Variants in SPTB observed in about 807,000 individuals in gnomAD.
SPTB encodes spectrin beta, erythrocytic.
SPTB carries 45 observed loss-of-function variants against 256.2 expected under a neutral mutation model. The observed-to-expected ratio is 0.18, with a 90% CI of 0.14 to 0.23. The LOEUF (loss-of-function observed/expected upper bound fraction) is 0.23, where lower values mean the gene tolerates loss of function less well. Ranked by LOEUF, SPTB falls within the 10% of genes least tolerant of loss-of-function variation. SPTB has a pLI of 1.00. For synonymous variants in SPTB, 1,231 were observed against 1,243.1 expected, an observed-to-expected ratio of 0.99 and a Z score of 0.21; for missense variants, 2,715 against 3,040.4, an observed-to-expected ratio of 0.89 and a Z score of 2.52.
rs1000973840 is a variant in SPTB at position 64,823,736 on chromosome 14, T to G, written c.-51-591A>C. Among the ~76,000 whole-genome samples, 3 of 152,188 alleles carry G rather than the reference T, an allele frequency of 2.0e-5. No individual in the cohort carries two copies. Among genetic ancestry groups the G allele is most frequent in the Admixed American group, 6.5e-5 (1 of 15,286 alleles). On this transcript the variant is annotated intron_variant, in intron 1 of 35. Coordinates refer to ENST00000644917, the MANE Select transcript of SPTB (RefSeq NM_001355436.2). This position sits in a 1 kb window ranked among gnomAD's most constrained non-coding sequence, Gnocchi z 6.5. ...CCTCCCGGAGGCTTTCTGAGAGCCC[T>G]CTGAGTTCCTTCCCAGCAGTTGGTA...
rs1208017448 is a variant in SPTB at position 64,823,255 on chromosome 14, A to G, written c.-51-110T>C. On this transcript the variant is annotated intron_variant, in intron 1 of 35. Transcript: ENST00000644917. The surrounding 1 kb of genome is among the most constrained non-coding windows in gnomAD (Gnocchi z 6.5). ...GTGAGTAGATCCTGACAGAAGCAGA[A>G]CGCCATGTCATCTGCCTGGGCGTGC... 2.2e-5 allele frequency: 18 copies of G among 833,680 alleles called. No homozygotes were observed. Among genetic ancestry groups the G allele is most frequent in the Non-Finnish European group, 3.4e-5 (17 of 507,460 alleles). The allele number at this position is 833,680 out of a possible 1,614,324, so 51.6% of individuals were successfully genotyped here. A position where few individuals can be genotyped will look rare whatever the true frequency, so the allele number is the denominator to read the frequency against.
intron 15 of SPTB, among the ~76,000 whole-genome samples, chr14:64,788,657 T>C (rs999003738): frequency 2.6e-5 from 4 of 152,172 alleles, no homozygotes; most frequent in African/African-American, 9.7e-5. Flanking sequence ...AGAGGCCCCA[T>C]AGTGATTTTC....
intron 33 of SPTB, among the ~76,000 whole-genome samples, chr14:64,750,691 G>A (rs188578268): frequency 2.2e-4 from 33 of 151,862 alleles, no homozygotes; most frequent in Admixed American, 7.2e-4. Context: ...CAGGAGAATC[G>A]CTTGAACCCG....
At chr14:64,855,756 G>C (rs570018677) in intron 1 of SPTB, among the ~76,000 whole-genome samples, 3 of 152,368 alleles carry the variant, frequency 2.0e-5, no homozygotes, top group Admixed American at 2.0e-4. Flanking sequence ...GCTGGGGCCA[G>C]AGTGCCTGAG....
intron 1 of SPTB, among the ~76,000 whole-genome samples, chr14:64,832,671 T>C (rs1309280037): frequency 6.6e-6 from 1 of 152,152 alleles, no homozygotes; most frequent in Non-Finnish European, 1.5e-5. Context: ...TCTATCCTCA[T>C]CCTTTTCCCA....
At chr14:64,755,426 A>G (rs779621953) in intron 32 of SPTB, 1 of 152,252 alleles carries the variant, frequency 6.6e-6, no homozygotes, top group Admixed American at 6.5e-5. Context: ...TCATGTTTGT[A>G]TCTCATCAAA....
At chr14:64,766,694 C>T in intron 32 of SPTB, 32 bp downstream of exon 32, 1 of 1,613,458 alleles carries the variant, frequency 6.2e-7, no homozygotes, top group Admixed American at 1.7e-5. Flanking sequence ...CAGTGACTCC[C>T]AGGAACTAGA....
At position 64,749,860 on chromosome 14, in the gene SPTB, T is replaced by C; in HGVS notation, c.6776+121A>G. 1 of 1,520,068 alleles carries C rather than the reference T, an allele frequency of 6.6e-7. No homozygotes were observed. The highest frequency in any genetic ancestry group is 1.1e-5 in the South Asian group (1 of 87,740). 94.2% of individuals were successfully genotyped at this position (1,520,068 alleles called of 1,614,324 possible). On this transcript the variant is annotated intron_variant, in intron 34 of 35. Transcript: ENST00000644917. The surrounding 1 kb of genome is among the most constrained non-coding windows in gnomAD (Gnocchi z 4.7). ...AGTCTGGACCATCAGCCTCTTTGAT[T>C]TGAAAAACCCCTGAGGAGCAGCTCA...
Position 64,760,940 on chromosome 14 carries a change from C to G in SPTB, c.6345+5786G>C, listed in dbSNP as rs1012668716. Among the ~76,000 whole-genome samples the G allele has an allele frequency of 6.6e-6, 1 of 152,202 alleles. No homozygotes were observed. The highest frequency in any genetic ancestry group is 2.4e-5 in the African/African-American group (1 of 41,438). ...AGAGAGGAGACCTGTATCCTCACTCCAGAGGAAAGCACCTGCCCGATGGGG... is the reference window on the plus strand; with the variant it reads ...AGAGAGGAGACCTGTATCCTCACTCGAGAGGAAAGCACCTGCCCGATGGGG... On this transcript the variant is annotated intron_variant, in intron 32 of 35. Coordinates refer to ENST00000644917, the MANE Select transcript of SPTB (RefSeq NM_001355436.2). The surrounding 1 kb of genome is among the most constrained non-coding windows in gnomAD (Gnocchi z 4.3).
At position 64,749,787 on chromosome 14, in the gene SPTB, G is replaced by A. The variant is rs528733463; in HGVS notation, c.6777-91C>T. On this transcript the variant is annotated intron_variant, in intron 34 of 35. Transcript: ENST00000644917. This position sits in a 1 kb window ranked among gnomAD's most constrained non-coding sequence, Gnocchi z 4.7. ...CTCTGATCCCACAATACCCTGAGCC[G>A]AACATCCAGACCCCTCTCAGGCAGC... is the stretch of plus-strand genomic sequence containing the variant. The A allele has an allele frequency of 7.8e-6, 12 of 1,535,260 alleles. No individual in the cohort carries two copies. Among genetic ancestry groups the A allele is most frequent in the African/African-American group, 6.8e-5 (5 of 73,040 alleles).
chr14:64,764,586 G>C lies in SPTB; in HGVS notation c.6345+2140C>G, dbSNP rs959181635. ...ATTCCCCCCAACCCAGTGACATTCA[G>C]GTGTTGGCTGGAGGCGGCTCTGATG... On this transcript the variant is annotated intron_variant, in intron 32 of 35. Transcript: ENST00000644917. The surrounding 1 kb of genome is among the most constrained non-coding windows in gnomAD (Gnocchi z 4.2). Among the ~76,000 whole-genome samples the C allele has an allele frequency of 6.6e-6, 1 of 152,234 alleles. No homozygotes were observed. Among genetic ancestry groups the C allele is most frequent in the Non-Finnish European group, 1.5e-5 (1 of 68,050 alleles).
At chr14:64,836,344 G>A (rs1401721986) in intron 1 of SPTB, among the ~76,000 whole-genome samples, 1 of 151,988 alleles carries the variant, frequency 6.6e-6, no homozygotes, top group South Asian at 2.1e-4. Context: ...TAATACACTC[G>A]CCACCTAACA....
At position 64,782,396 on chromosome 14, in the gene SPTB, G is replaced by C. The variant is rs894413251; in HGVS notation, c.4160C>G (p.Thr1387Ser). The change falls in exon 20 of 36, where the codon ACC becomes AGC. Residue 1387 changes from threonine to serine, a missense_variant. Physicochemically the swap from Thr to Ser is moderately conservative, Grantham distance 58. Transcript: ENST00000644917. Reference protein sequence around the residue: ...AARSSDLRLQTHADLNKWISA... With the variant: ...AARSSDLRLQSHADLNKWISA... ...GATCCACTTGTTGAGGTCAGCATGG[G>C]TCTGCAAGCGCAGGTCGGAGCTCCT... 1.9e-6 allele frequency: 3 copies of C among 1,614,050 alleles called. No individual in the cohort carries two copies. In the African/African-American group the frequency reaches 4.0e-5, roughly 22 times the overall value.
chr14:64,860,388 A>T (rs1007854785), intron 1 of SPTB, among the ~76,000 whole-genome samples: 3 of 152,214 alleles, frequency 2.0e-5, no homozygotes, highest in Non-Finnish European at 4.4e-5. Flanking sequence ...GCACAGGAGG[A>T]GTCCCAGTAA....
rs552017975 is a variant in SPTB at position 64,754,129 on chromosome 14, G to A, written c.6346-336C>T. The A allele has an allele frequency of 9.2e-6, 4 of 436,780 alleles. No individual in the cohort carries two copies. In the East Asian group the frequency reaches 1.9e-4, roughly 21 times the overall value. 27.1% of individuals were successfully genotyped at this position (436,780 alleles called of 1,614,324 possible). On this transcript the variant is annotated intron_variant, in intron 32 of 35. Coordinates refer to ENST00000644917, the MANE Select transcript of SPTB (RefSeq NM_001355436.2). Reference sequence around the variant, plus strand: ...GATTATTTCATTAAAGGGGTGTGAGGGGGGGCAGGTTCCAATGCTGCTGGC... The same window carrying A: ...GATTATTTCATTAAAGGGGTGTGAGAGGGGGCAGGTTCCAATGCTGCTGGC...
intron 33 of SPTB, 115 bp downstream of exon 33, chr14:64,753,422 A>G (rs2081978249): frequency 1.3e-6 from 2 of 1,537,130 alleles, no homozygotes; most frequent in Admixed American, 3.5e-5. Context: ...CTCACAGGCC[A>G]AGGCAGAAGG....
intron 32 of SPTB, among the ~76,000 whole-genome samples, chr14:64,761,675 G>A (rs1019656032): frequency 9.9e-5 from 15 of 152,204 alleles, no homozygotes; most frequent in South Asian, 4.1e-4. Flanking sequence ...TCACCAGGGC[G>A]TGAGAAGAGA....
At chr14:64,766,446 TATTAC>T in intron 32 of SPTB, 1 of 1,417,508 alleles carries the variant, frequency 7.1e-7, no homozygotes, top group South Asian at 1.6e-5. Flanking sequence ...CAATAAAATT[TATTAC>T]ATTAGGTAAA....
rs2083670297 is a variant in SPTB at position 64,845,189 on chromosome 14, T to C, written c.-51-22044A>G. 6.6e-6 allele frequency among the ~76,000 whole-genome samples: 1 copy of C among 152,272 alleles called. No homozygotes were observed. The highest frequency in any genetic ancestry group is 6.5e-5 in the Admixed American group (1 of 15,294). On this transcript the variant is annotated intron_variant, in intron 1 of 35. Transcript: ENST00000644917. This position sits in a 1 kb window ranked among gnomAD's most constrained non-coding sequence, Gnocchi z 4.8. The stretch of plus-strand genomic sequence containing the variant: ...CCCTGTCATTATCTCTTTTATGCCC[T>C]ACACAGTTTGCTACACCCACTGCAT...
Sources: allele counts gnomAD v4.1 joint callset (sites outside exome capture counted in the v4.1 genomes callset), GRCh38; gene constraint gnomAD v4.1.1; non-coding constraint Gnocchi (gnomAD v3.1); transcripts MANE v1.5; gene names NCBI Gene and HGNC (gene_info 2026-07-23, HGNC 2026-07-21).